Variants in C4orf36 observed in about 807,000 individuals in gnomAD.
C4orf36 encodes chromosome 4 open reading frame 36, also known as uncharacterized protein C4orf36.
In C4orf36, 11 loss-of-function variants were observed where a neutral mutation model predicts 12.2. The observed-to-expected ratio is 0.90, with a 90% CI of 0.57 to 1.49. The LOEUF is 1.49. Ranked by LOEUF, C4orf36 falls within the 40% of genes most tolerant of loss-of-function variation. The pLI is 0.00. For synonymous variants in C4orf36, 54 were observed against 51.3 expected (o/e 1.05, Z -0.22); for missense variants, 137 against 133.9 (o/e 1.02, Z -0.11).
chr4:86,914,378 G>A, the C4orf36 span: 17 of 812,396 alleles, frequency 2.1e-5, no homozygotes, highest in Non-Finnish European at 2.7e-5. Context: ...CCCGGCTCCC[G>A]TTCTTCTTCT....
chr4:86,890,124 G>A (rs553125475), intron 2 of C4orf36: 7 of 447,180 alleles, frequency 1.6e-5, no homozygotes, highest in Non-Finnish European at 3.1e-5. Context: ...CCCAGGAGGT[G>A]CACAACATTC....
chr4:86,912,130 C>T, the C4orf36 span, among the ~76,000 whole-genome samples: 5 of 152,208 alleles, frequency 3.3e-5, no homozygotes, highest in African/African-American at 1.2e-4. Context: ...CCACCTCAGC[C>T]TCCCAAAGTG....
chr4:86,886,563 A>G (rs1747183042), intron 4 of C4orf36: 1 of 152,262 alleles, frequency 6.6e-6, no homozygotes, highest in Non-Finnish European at 1.5e-5. Context: ...CCACAATGAG[A>G]TATCATCTCA....
the C4orf36 span, chr4:86,936,107 C>G: frequency 1.3e-5 from 2 of 152,220 alleles, no homozygotes; most frequent in South Asian, 2.1e-4. Flanking sequence ...AATTGTTATG[C>G]AGATCATCCC....
At chr4:86,901,657 C>T in the C4orf36 span, among the ~76,000 whole-genome samples, 4 of 150,290 alleles carry the variant, frequency 2.7e-5, no homozygotes, top group South Asian at 2.1e-4. Context: ...GTGATCTGCC[C>T]GCCTCGGCCT....
In C4orf36 at chr4:86,888,132, G is replaced by C; in HGVS notation, c.209C>G (p.Pro70Arg). 6.2e-7 allele frequency: 1 copy of C among 1,612,828 alleles called. No homozygotes were observed. Among genetic ancestry groups the C allele is most frequent in the Non-Finnish European group, 8.5e-7 (1 of 1,179,590 alleles). ...CTTAAGGAACTTACATTCTGCAGAA[G>C]GGAGCAGTCCATCTTTAATGGTGGT... ...KCTTIKDGLL[P>R]SAESIKLERE... Residue 70 changes from proline to arginine, a missense_variant, in exon 3 of 5, where the codon CCT (proline) becomes CGT (arginine). By Grantham distance (103) the Pro-to-Arg change is moderately radical. Coordinates refer to ENST00000295898, the MANE Select transcript of C4orf36 (RefSeq NM_144645.4).
chr4:86,901,347 A>G, the C4orf36 span, among the ~76,000 whole-genome samples: 1 of 147,942 alleles, frequency 6.8e-6, no homozygotes, highest in Non-Finnish European at 1.5e-5. Flanking sequence ...ATCATATCTG[A>G]TCTCTTCTCT....
chr4:86,876,725 G>C (rs147620210), intron 4 of C4orf36: 10 of 1,551,938 alleles, frequency 6.4e-6, no homozygotes, highest in African/African-American at 1.4e-5. Flanking sequence ...CAGAATTTAG[G>C]AAAGTTCTCT....
the C4orf36 span, among the ~76,000 whole-genome samples, chr4:86,898,165 G>A: frequency 6.6e-6 from 1 of 152,186 alleles, no homozygotes; most frequent in Non-Finnish European, 1.5e-5. Context: ...GCCAAGGTGG[G>A]TAGATCACTT....
At chr4:86,920,430 G>A in the C4orf36 span, among the ~76,000 whole-genome samples, 3 of 152,030 alleles carry the variant, frequency 2.0e-5, no homozygotes, top group Non-Finnish European at 2.9e-5. Context: ...AGCTACTTCC[G>A]CATTTTCAAG....
chr4:86,914,812 G>A, the C4orf36 span: 1 of 457,674 alleles, frequency 2.2e-6, no homozygotes, highest in Non-Finnish European at 4.2e-6. Context: ...CTGGTGCAGT[G>A]ACATTATTCT....
the C4orf36 span, among the ~76,000 whole-genome samples, chr4:86,900,224 G>C: frequency 6.6e-6 from 1 of 151,980 alleles, no homozygotes; most frequent in African/African-American, 2.4e-5. Flanking sequence ...GTAGAGACAG[G>C]GTTTCACCAT....
the C4orf36 span, among the ~76,000 whole-genome samples, chr4:86,927,722 C>A: frequency 6.6e-6 from 1 of 152,000 alleles, no homozygotes; most frequent in Non-Finnish European, 1.5e-5. Context: ...TTGCTTGAAC[C>A]CGGGAGGTGG....
intron 2 of C4orf36, among the ~76,000 whole-genome samples, chr4:86,889,651 C>T (rs1747317685): frequency 6.6e-6 from 1 of 152,048 alleles, no homozygotes; most frequent in Admixed American, 6.6e-5. Context: ...TGCCTATAAT[C>T]ACAGCACTTT....
the C4orf36 span, among the ~76,000 whole-genome samples, chr4:86,903,191 G>A: frequency 1.3e-5 from 2 of 152,198 alleles, no homozygotes; most frequent in African/African-American, 4.8e-5. Flanking sequence ...GAGATTTATT[G>A]CTTTAAAATA....
chr4:86,884,450 A>C (rs1442700580), intron 4 of C4orf36, among the ~76,000 whole-genome samples: 1 of 151,968 alleles, frequency 6.6e-6, no homozygotes, highest in South Asian at 2.1e-4. Context: ...GACTACAGGC[A>C]CACAGCACCA....
At chr4:86,901,021 G>A in the C4orf36 span, among the ~76,000 whole-genome samples, 2 of 141,504 alleles carry the variant, frequency 1.4e-5, no homozygotes, top group African/African-American at 5.3e-5. Context: ...ATCTTGCCCT[G>A]TCACCCAGGC....
At chr4:86,932,724 C>T in the C4orf36 span, among the ~76,000 whole-genome samples, 1 of 120,224 alleles carries the variant, frequency 8.3e-6, no homozygotes, top group Non-Finnish European at 1.6e-5. Context: ...TGAAGAAGCA[C>T]CTAAAAAGTC....
the C4orf36 span, among the ~76,000 whole-genome samples, chr4:86,903,297 G>A: frequency 6.6e-6 from 1 of 152,102 alleles, no homozygotes; most frequent in African/African-American, 2.4e-5. Context: ...GGATCACGAG[G>A]TCAAGAGATC....
Sources: allele counts gnomAD v4.1 joint callset (sites outside exome capture counted in the v4.1 genomes callset), GRCh38; gene constraint gnomAD v4.1.1; transcripts MANE v1.5; gene names NCBI Gene and HGNC (gene_info 2026-07-23, HGNC 2026-07-21).